Variants in ERG observed in about 807,000 individuals in gnomAD.
ERG encodes transcriptional regulator ERG.
In ERG, 9 loss-of-function variants were observed where a neutral mutation model predicts 55.3. That is an observed-to-expected ratio of 0.16 (90% CI 0.10 to 0.28). The LOEUF is 0.28. Ranked by LOEUF, ERG falls within the 10% of genes least tolerant of loss-of-function variation. The pLI is 1.00. For synonymous variants in ERG, 223 were observed against 237.3 expected (o/e 0.94, Z 0.55); for missense variants, 434 against 631.6 (o/e 0.69, Z 3.35).
intron 1 of ERG, among the ~76,000 whole-genome samples, chr21:38,652,517 C>T (rs1038397179): frequency 6.6e-6 from 1 of 152,192 alleles, no homozygotes; most frequent in Admixed American, 6.5e-5. Context: ...AGGGTAAGAA[C>T]ATAAACTCGA....
chr21:38,640,964 A>G (rs937109717), intron 1 of ERG, among the ~76,000 whole-genome samples: 1 of 152,252 alleles, frequency 6.6e-6, no homozygotes, highest in Non-Finnish European at 1.5e-5. Flanking sequence ...CATGAGAAAT[A>G]TAACAACTAG....
intron 9 of ERG, among the ~76,000 whole-genome samples, chr21:38,389,317 G>T (rs2146423481): frequency 6.6e-6 from 1 of 152,208 alleles, no homozygotes; most frequent in Middle Eastern, 3.4e-3. Flanking sequence ...GTAGGATGGA[G>T]ATAGTAACCT....
rs766883339 is a variant in ERG, at chr21:38,400,618, G to T, written c.701C>A (p.Thr234Asn). The T allele has an allele frequency of 6.2e-7, 1 of 1,607,482 alleles. No individual in the cohort carries two copies. The highest frequency in any genetic ancestry group is 1.1e-5 in the South Asian group (1 of 90,972). Residue 234 changes from threonine (T) to asparagine (N), a missense_variant, in exon 6 of 10, where the codon ACT becomes AAT. This residue lies in a region of ERG where 99 missense variants were observed against 145.6 expected (regional missense o/e 0.68). Transcript: ENST00000288319. ...TGGAAFIFPN[T>N]SVYPEATQRI... ...TTGCGTAGCTTCAGGATATACTGAA[G>T]TATTTGGGAAAATAAAAGCTGCACC...
In ERG at chr21:38,583,988, C is replaced by T. The variant is rs112407597; in HGVS notation, c.-127+856G>A. On this transcript the variant is annotated intron_variant, in intron 1 of 8. Coordinates refer to the ERG transcript ENST00000398897. ...GAAATCACCTCTATGGAGGGACTTA[C>T]GAAAGTCACTTAACTAATGCAGATT... Among the ~76,000 whole-genome samples the T allele has an allele frequency of 1.4e-3, 217 of 152,318 alleles. 2 individuals are homozygous for T. Among genetic ancestry groups the T allele is most frequent in the African/African-American group, 5.0e-3 (207 of 41,572 alleles).
rs113375482 is a variant in ERG, at chr21:38,605,109, C to T, written c.-149-20164G>A. Among the ~76,000 whole-genome samples the T allele has an allele frequency of 3.9e-4, 60 of 152,180 alleles. 1 individual carries two copies. Among genetic ancestry groups the T allele is most frequent in the African/African-American group, 1.3e-3 (52 of 41,528 alleles). On this transcript the variant is annotated intron_variant, in intron 1 of 10. Coordinates refer to the ERG transcript ENST00000398910. ...TTTTCAGTTTTTCCTACCAAAATAC[C>T]GGCTATTTTTGTTCTCTCCTTCCCC... is the stretch of plus-strand genomic sequence containing the variant.
chr21:38,579,687 G>A (rs2060016250), intron 1 of ERG, among the ~76,000 whole-genome samples: 2 of 152,108 alleles, frequency 1.3e-5, no homozygotes, highest in South Asian at 4.1e-4. Context: ...ACACACCAAA[G>A]GGATTCACTC....
chr21:38,641,844 T>G (rs1187479302), intron 1 of ERG, among the ~76,000 whole-genome samples: 1 of 152,218 alleles, frequency 6.6e-6, no homozygotes, highest in African/African-American at 2.4e-5. Context: ...TCTGATAAAC[T>G]ACAGCATGGT....
At chr21:38,622,946 CACACACACAT>C (rs2060301582) in intron 1 of ERG, among the ~76,000 whole-genome samples, 1 of 4,562 alleles carries the variant, frequency 2.2e-4, no homozygotes, top group South Asian at 6.7e-3. Flanking sequence ...CACACACACA[CACACACACAT>C]CAGCACACAC....
At chr21:38,547,653 G>A (rs1048443989) in intron 2 of ERG, among the ~76,000 whole-genome samples, 5 of 152,170 alleles carry the variant, frequency 3.3e-5, no homozygotes, top group African/African-American at 7.2e-5. Flanking sequence ...TGCTGTTTAT[G>A]TTGTAGAAAC....
chr21:38,624,486 A>G (rs937747187), intron 1 of ERG, among the ~76,000 whole-genome samples: 2 of 151,962 alleles, frequency 1.3e-5, no homozygotes, highest in Non-Finnish European at 2.9e-5. Context: ...TCTCCTCCCT[A>G]CTCATCCCGG....
chr21:38,512,118 T>C (rs1270813654), intron 2 of ERG, among the ~76,000 whole-genome samples: 1 of 152,046 alleles, frequency 6.6e-6, no homozygotes, highest in Non-Finnish European at 1.5e-5. Flanking sequence ...TATACAAGAG[T>C]GTGTCCTGCC....
intron 2 of ERG, among the ~76,000 whole-genome samples, chr21:38,557,797 AT>A (rs2059867399): frequency 6.6e-6 from 1 of 152,132 alleles, no homozygotes; most frequent in Admixed American, 6.5e-5. Flanking sequence ...CTTTGGGGGC[AT>A]CTGTTCTATG....
intron 2 of ERG, among the ~76,000 whole-genome samples, chr21:38,440,962 C>T (rs1382340260): frequency 6.6e-6 from 1 of 152,076 alleles, no homozygotes; most frequent in African/African-American, 2.4e-5. Context: ...TCAGGAAGCC[C>T]GTTGGATTGT....
chr21:38,585,475 A>G (rs993189354), upstream of ERG, among the ~76,000 whole-genome samples: 1 of 148,884 alleles, frequency 6.7e-6, no homozygotes, highest in Non-Finnish European at 1.5e-5. Flanking sequence ...GAAAGAAAAA[A>G]ATCTTTCTTA....
upstream of ERG, among the ~76,000 whole-genome samples, chr21:38,586,436 ATT>A (rs1253769454): frequency 6.6e-6 from 1 of 152,072 alleles, no homozygotes; most frequent in African/African-American, 2.4e-5. Context: ...TCTAACTGAA[ATT>A]TTGTGTCCTT....
chr21:38,462,045 G>A lies in ERG; in HGVS notation c.19-16424C>T, dbSNP rs112602755. ...TGCCCAGGCTGGAATGCAGTGGCGCGATCTTGGCTCACTGCAAACTCTGCC... is the reference window on the plus strand; with the variant it reads ...TGCCCAGGCTGGAATGCAGTGGCGCAATCTTGGCTCACTGCAAACTCTGCC... On this transcript the variant is annotated intron_variant, in intron 1 of 9. Coordinates refer to ENST00000288319, the MANE Select transcript of ERG (RefSeq NM_182918.4). Among the ~76,000 whole-genome samples the A allele has an allele frequency of 9.7e-3, 1,480 of 152,044 alleles. 22 individuals carry two copies. Among genetic ancestry groups the A allele is most frequent in the African/African-American group, 0.033 (1,378 of 41,440 alleles).
chr21:38,592,422 T>C (rs1026708631), intron 1 of ERG, among the ~76,000 whole-genome samples: 1 of 152,148 alleles, frequency 6.6e-6, no homozygotes, highest in Non-Finnish European at 1.5e-5. Context: ...TGAGACCCTG[T>C]GATGAGAGGA....
chr21:38,473,866 G>A (rs1601457533), intron 1 of ERG, among the ~76,000 whole-genome samples: 1 of 151,948 alleles, frequency 6.6e-6, no homozygotes, highest in Non-Finnish European at 1.5e-5. Context: ...GCGTATGTAT[G>A]CATGTGTATG....
At chr21:38,438,243 CA>C (rs2058809012) in intron 2 of ERG, among the ~76,000 whole-genome samples, 2 of 152,208 alleles carry the variant, frequency 1.3e-5, no homozygotes, top group South Asian at 2.1e-4. Flanking sequence ...CCATCCGCTT[CA>C]CGTCTTTATT....
Sources: allele counts gnomAD v4.1 joint callset (sites outside exome capture counted in the v4.1 genomes callset), GRCh38; gene constraint gnomAD v4.1.1; regional missense constraint gnomAD v4.1.1; transcripts MANE v1.5; gene names NCBI Gene and HGNC (gene_info 2026-07-23, HGNC 2026-07-21).